ARHGAP39: variants seen among roughly 807,000 people sequenced by gnomAD.
ARHGAP39 encodes the protein Rho GTPase activating protein 39, also known as rho GTPase-activating protein 39.
A neutral mutation model predicts 106.9 loss-of-function variants in ARHGAP39; 44 were observed. The ratio of observed to expected loss-of-function variants is 0.41; its 90% CI spans 0.32 to 0.53. The LOEUF is 0.53. ARHGAP39 is among the 20% of genes least tolerant of loss of function. The pLI is 0.21. For missense variants in ARHGAP39, 1,496 were observed against 1,577.3 expected, an observed-to-expected ratio of 0.95 and a Z score of 0.87; for synonymous variants, 768 against 693.2, an observed-to-expected ratio of 1.11 and a Z score of -1.69.
chr8:144,637,955 A>G (rs950387452), intron 1 of ARHGAP39, among the ~76,000 whole-genome samples: 1 of 151,774 alleles, frequency 6.6e-6, no homozygotes, highest in African/African-American at 2.4e-5. Context: ...TCAGCCTCTC[A>G]AAGTGCTGCG....
chr8:144,621,470 G>C (rs1820805098), intron 1 of ARHGAP39, among the ~76,000 whole-genome samples: 1 of 152,230 alleles, frequency 6.6e-6, no homozygotes, highest in Non-Finnish European at 1.5e-5. Flanking sequence ...ACCCAGAGAA[G>C]AGGTTCTGAG....
chr8:144,536,305 A>G (rs1283566921), intron 7 of ARHGAP39, among the ~76,000 whole-genome samples: 1 of 151,940 alleles, frequency 6.6e-6, no homozygotes, highest in Non-Finnish European at 1.5e-5. Flanking sequence ...GGGACCTTAG[A>G]GCTACAGGAC....
Position 144,531,089 on chromosome 8 carries a change from G to A in ARHGAP39, c.2981-218C>T, listed in dbSNP as rs551947989. 1.6e-4 allele frequency among the ~76,000 whole-genome samples: 25 copies of A among 152,366 alleles called. No individual in the cohort carries two copies. The East Asian group carries it at 3.1e-3, about 19-fold the overall frequency. ...TCGATCCTGGAGGCATGTGGGTCAC[G>A]CCAGCAGAGTTGTGCAAAACAGGAT... On this transcript the variant is annotated intron_variant, in intron 10 of 11. Transcript: ENST00000377307.
intron 4 of ARHGAP39, among the ~76,000 whole-genome samples, chr8:144,553,601 C>T (rs2130855148): frequency 6.6e-6 from 1 of 152,378 alleles, no homozygotes; most frequent in South Asian, 2.1e-4. Flanking sequence ...TCCCGTCGAC[C>T]CAGCCTCTTC....
At chr8:144,539,187 C>G (rs1817089126) in intron 6 of ARHGAP39, among the ~76,000 whole-genome samples, 1 of 152,212 alleles carries the variant, frequency 6.6e-6, no homozygotes, top group South Asian at 2.1e-4. Context: ...TCTCAGCTGA[C>G]AGAATGAGGA....
At chr8:144,609,779 A>AT (rs1206271888) in intron 1 of ARHGAP39, among the ~76,000 whole-genome samples, 13 of 152,078 alleles carry the variant, frequency 8.5e-5, no homozygotes, top group Non-Finnish European at 1.5e-4. Context: ...ATTCATATTC[A>AT]TTTTTGCATC....
chr8:144,635,450 A>C (rs1821150056), intron 1 of ARHGAP39, among the ~76,000 whole-genome samples: 1 of 152,172 alleles, frequency 6.6e-6, no homozygotes, highest in African/African-American at 2.4e-5. Flanking sequence ...CTTTCCCCAC[A>C]CCTCACCCTA....
intron 2 of ARHGAP39, among the ~76,000 whole-genome samples, chr8:144,601,679 CAT>C (rs563423878): frequency 6.6e-4 from 90 of 136,234 alleles, no homozygotes; most frequent in African/African-American, 2.4e-3. Flanking sequence ...CGTGCGAGCT[CAT>C]GTACCTGTGT....
chr8:144,623,418 T>G (rs1463748534), intron 1 of ARHGAP39, among the ~76,000 whole-genome samples: 1 of 152,214 alleles, frequency 6.6e-6, no homozygotes, highest in African/African-American at 2.4e-5. Flanking sequence ...GGTAAAGATC[T>G]ATACCAAACA....
chr8:144,672,232 C>T (rs562714679), intron 1 of ARHGAP39, among the ~76,000 whole-genome samples: 3 of 152,314 alleles, frequency 2.0e-5, no homozygotes, highest in South Asian at 4.1e-4. Flanking sequence ...CAGTCAGATT[C>T]CGGGGAAACT....
rs574176456 is a variant in ARHGAP39 at position 144,616,550 on chromosome 8, C to T, written c.-81-10855G>A. On this transcript the variant is annotated intron_variant, in intron 1 of 11. Transcript: ENST00000377307. ...TTGACCCCCTCCAAGCTGAGCCCCC[C>T]AAGCCAACCTCCAGGGTAAGAGATG... is the stretch of plus-strand genomic sequence containing the variant. Among the ~76,000 whole-genome samples the T allele has an allele frequency of 2.0e-5, 3 of 152,312 alleles. No homozygotes were observed. The South Asian group carries it at 6.2e-4, about 32-fold the overall frequency.
chr8:144,539,969 G>A (rs889199752), intron 6 of ARHGAP39, among the ~76,000 whole-genome samples: 4 of 152,186 alleles, frequency 2.6e-5, no homozygotes, highest in Non-Finnish European at 1.5e-5. Context: ...TCTATGCGTC[G>A]ATTTGGTAGA....
intron 1 of ARHGAP39, among the ~76,000 whole-genome samples, chr8:144,654,036 A>G (rs1462669923): frequency 6.6e-6 from 1 of 152,212 alleles, no homozygotes; most frequent in Non-Finnish European, 1.5e-5. Flanking sequence ...AAAGGAGGAG[A>G]CAGTAGTGAA....
Position 144,564,310 on chromosome 8 carries a change from CCT to C in ARHGAP39, c.513-8669_513-8668del, listed in dbSNP as rs1191888338. 8.5e-5 allele frequency among the ~76,000 whole-genome samples: 13 copies of C among 152,198 alleles called. 1 individual carries two copies. In the South Asian group the frequency reaches 2.1e-3, roughly 24 times the overall value. ...GCAGCAGCACTGGCCCCCGTTGTCC[CCT>C]GAGCACACCAAATGCTCTTCCGTCT... On this transcript the variant is annotated intron_variant, in intron 3 of 11. Transcript: ENST00000377307.
chr8:144,531,068 T>A (rs1312495052), intron 10 of ARHGAP39, among the ~76,000 whole-genome samples, 197 bp from the exon 11 acceptor site: 2 of 152,194 alleles, frequency 1.3e-5, no homozygotes, highest in East Asian at 3.8e-4. Context: ...CTGAACTCGA[T>A]CCTGGAGGCA....
chr8:144,595,792 G>A (rs1389057713), intron 2 of ARHGAP39, among the ~76,000 whole-genome samples: 3 of 152,180 alleles, frequency 2.0e-5, no homozygotes, highest in African/African-American at 7.2e-5. Flanking sequence ...CACTCCCCAA[G>A]GCATGCAGCC....
intron 1 of ARHGAP39, among the ~76,000 whole-genome samples, chr8:144,623,390 C>G (rs1278928296): frequency 6.6e-6 from 1 of 152,150 alleles, no homozygotes. Flanking sequence ...AGACTGTCAG[C>G]AAGATTTTAA....
At position 144,570,776 on chromosome 8, in the gene ARHGAP39, G is replaced by A. The variant is rs533121843; in HGVS notation, c.512+10070C>T. On this transcript the variant is annotated intron_variant, in intron 3 of 11. Coordinates refer to ENST00000377307, the MANE Select transcript of ARHGAP39 (RefSeq NM_025251.3). The stretch of plus-strand genomic sequence containing the variant: ...GAAAAGAGAGAATAATCAAATATAC[G>A]CAATAAAAAATGATAAAGGAGATAC... 5.3e-5 allele frequency among the ~76,000 whole-genome samples: 8 copies of A among 152,100 alleles called. No individual in the cohort carries two copies. The South Asian group carries it at 1.2e-3, about 24-fold the overall frequency.
chr8:144,544,446 T>C (rs1817319576), intron 6 of ARHGAP39, among the ~76,000 whole-genome samples: 1 of 152,258 alleles, frequency 6.6e-6, no homozygotes, highest in Admixed American at 6.5e-5. Context: ...GAACAGTCTA[T>C]GGCATGTCTG....
Sources: gnomAD v4.1 joint callset for allele counts (sites outside exome capture counted in the v4.1 genomes callset) on GRCh38, gnomAD v4.1.1 for gene constraint, MANE v1.5 for transcripts, NCBI Gene and HGNC (gene_info 2026-07-23, HGNC 2026-07-21) for gene names.